The following ADD3 variants were observed in gnomAD, a reference collection of about 807,000 sequenced individuals.
ADD3 encodes gamma-adducin.
In ADD3, 25 loss-of-function variants were observed where a neutral mutation model predicts 80.2. The observed-to-expected ratio is 0.31, with a 90% CI of 0.23 to 0.44. The LOEUF (loss-of-function observed/expected upper bound fraction) is 0.44. ADD3 is among the 20% of genes least tolerant of loss of function. The pLI is 1.00. For synonymous variants in ADD3, 284 were observed against 289.6 expected (o/e 0.98, Z 0.20); for missense variants, 829 against 847.5 (o/e 0.98, Z 0.27).
intron 1 of ADD3, among the ~76,000 whole-genome samples, chr10:110,057,619 A>G (rs187514479): frequency 1.3e-5 from 2 of 152,242 alleles, no homozygotes; most frequent in African/African-American, 2.4e-5. Context: ...AAAGCTCTTC[A>G]TCTGATTCTA....
At chr10:110,049,666 T>A (rs1857276265) in intron 1 of ADD3, among the ~76,000 whole-genome samples, 1 of 152,134 alleles carries the variant, frequency 6.6e-6, no homozygotes. Flanking sequence ...GGCAGGCAGG[T>A]CACGAGGTCA....
intron 1 of ADD3, among the ~76,000 whole-genome samples, chr10:110,057,164 A>G (rs1007283153): frequency 6.6e-6 from 1 of 152,046 alleles, no homozygotes; most frequent in Non-Finnish European, 1.5e-5. Flanking sequence ...CCCCATATCA[A>G]CCCTTTCTCT....
At position 110,065,131 on chromosome 10, in the gene ADD3, C is replaced by T. The variant is rs983587088; in HGVS notation, c.-29-35494C>T. Among the ~76,000 whole-genome samples, 119 of 152,176 alleles carry T rather than the reference C, an allele frequency of 7.8e-4. 1 individual carries two copies. Among genetic ancestry groups the T allele is most frequent in the African/African-American group, 2.8e-3 (116 of 41,538 alleles). On this transcript the variant is annotated intron_variant, in intron 1 of 14. Transcript: ENST00000356080. ...CCTTCCAGTTTTAATTTCTTTCTTC[C>T]TAGAATTTGTCCTTTAAAAGTTCCT...
intron 1 of ADD3, among the ~76,000 whole-genome samples, chr10:110,070,299 T>C (rs1457096939): frequency 6.6e-6 from 1 of 152,166 alleles, no homozygotes; most frequent in Middle Eastern, 3.2e-3. Context: ...CAATGTCTCG[T>C]TCATTTCTTA....
At chr10:110,002,933 C>T (rs1851514397), upstream of ADD3, among the ~76,000 whole-genome samples, 2 of 152,266 alleles carry the variant, frequency 1.3e-5, no homozygotes, top group South Asian at 2.1e-4. Context: ...ATTATATCTC[C>T]TTGGGGAATG....
intron 1 of ADD3, among the ~76,000 whole-genome samples, chr10:110,064,354 C>G (rs1843644517): frequency 6.6e-6 from 1 of 152,182 alleles, no homozygotes; most frequent in Admixed American, 6.5e-5. Flanking sequence ...GACATACCAA[C>G]TCTGAGTTCC....
At chr10:110,060,370 T>G (rs151170974) in intron 1 of ADD3, among the ~76,000 whole-genome samples, 1 of 151,994 alleles carries the variant, frequency 6.6e-6, no homozygotes, top group Non-Finnish European at 1.5e-5. Flanking sequence ...AAATATGGAG[T>G]GTGTGTGCTG....
Position 110,072,809 on chromosome 10 carries a change from T to G in ADD3, c.-29-27816T>G, listed in dbSNP as rs915639961. On this transcript the variant is annotated intron_variant, in intron 1 of 14. Transcript: ENST00000356080. ...AGCTCTGAGAGAGTAAGAGCTACTC[T>G]TGAGCCCTTCTACAGTTCAAGGGAC... is the stretch of plus-strand genomic sequence containing the variant. Among the ~76,000 whole-genome samples, 10 of 152,228 alleles carry G rather than the reference T, an allele frequency of 6.6e-5. 1 individual carries two copies. The South Asian group carries it at 2.1e-3, about 31-fold the overall frequency.
rs1253966766 is a variant in ADD3, at chr10:110,133,382, G to T, written c.1885G>T (p.Val629Leu). 6.2e-7 allele frequency: 1 copy of T among 1,609,464 alleles called. No homozygotes were observed. The highest frequency in any genetic ancestry group is 1.7e-5 in the Admixed American group (1 of 59,942). ...FISMEVPVMV[V>L]NGKDDMHDVE... is the part of the protein sequence containing the mutation. ...CTCCATGGAAGTGCCTGTCATGGTAGTAAATGGCAAGGATGATATGCATGA... is the reference window on the plus strand; with the variant it reads ...CTCCATGGAAGTGCCTGTCATGGTATTAAATGGCAAGGATGATATGCATGA... Residue 629 changes from valine to leucine, a missense_variant, in exon 15 of 15, where the codon GTA becomes TTA. Coordinates refer to ENST00000356080, the MANE Select transcript of ADD3 (RefSeq NM_016824.5).
intron 1 of ADD3, among the ~76,000 whole-genome samples, chr10:110,036,422 C>T (rs1413639166): frequency 1.0e-4 from 15 of 148,162 alleles, no homozygotes; most frequent in Non-Finnish European, 2.2e-4. Context: ...CTCTGTCGCC[C>T]GGGCTGGAGT....
At chr10:110,083,368 T>C (rs1846305500) in intron 1 of ADD3, among the ~76,000 whole-genome samples, 1 of 152,022 alleles carries the variant, frequency 6.6e-6, no homozygotes, top group Admixed American at 6.6e-5. Context: ...TACAAAAAAT[T>C]AGCCGGGCAT....
At chr10:109,997,221 A>G (rs1485381400) in intron 1 of ADD3, among the ~76,000 whole-genome samples, 1 of 152,138 alleles carries the variant, frequency 6.6e-6, no homozygotes, top group Non-Finnish European at 1.5e-5. Flanking sequence ...TCTAATCTTA[A>G]GTCTTTGTGT....
chr10:110,082,745 C>T (rs1038189414), intron 1 of ADD3, among the ~76,000 whole-genome samples: 2 of 152,132 alleles, frequency 1.3e-5, no homozygotes, highest in Admixed American at 1.3e-4. Context: ...TTAGAAATTG[C>T]TCTTTTTATG....
intron 1 of ADD3, among the ~76,000 whole-genome samples, chr10:110,025,901 T>C (rs1314580872): frequency 5.3e-5 from 8 of 152,172 alleles, no homozygotes; most frequent in Non-Finnish European, 8.8e-5. Flanking sequence ...TTTCAAGATA[T>C]CTGTTTTTCC....
intron 1 of ADD3, among the ~76,000 whole-genome samples, chr10:110,027,741 G>C (rs1854480794): frequency 6.6e-6 from 1 of 152,030 alleles, no homozygotes; most frequent in African/African-American, 2.4e-5. Flanking sequence ...CCATTTCTTT[G>C]TATGCTCCCT....
At chr10:110,085,132 T>C (rs1458831224) in intron 1 of ADD3, among the ~76,000 whole-genome samples, 1 of 152,200 alleles carries the variant, frequency 6.6e-6, no homozygotes. Flanking sequence ...TATACATACA[T>C]TTTTAGAATT....
chr10:110,130,828 C>A (rs1471438017), intron 13 of ADD3, among the ~76,000 whole-genome samples: 3 of 151,258 alleles, frequency 2.0e-5, no homozygotes, highest in Non-Finnish European at 2.9e-5. Context: ...TGCACTGCAG[C>A]CTGGGCGACA....
intron 3 of ADD3, 44 bp downstream of exon 3, chr10:110,112,959 C>T (rs1446855795): frequency 5.1e-6 from 8 of 1,582,734 alleles, no homozygotes; most frequent in African/African-American, 1.4e-5. Context: ...ATTTTACTTC[C>T]ACTTTGGACC....
chr10:110,118,036 AC>A (rs1850990167), intron 5 of ADD3, among the ~76,000 whole-genome samples: 1 of 127,764 alleles, frequency 7.8e-6, no homozygotes, highest in African/African-American at 3.4e-5. Flanking sequence ...ACACACACAC[AC>A]ACACACACAC....
Sources: allele counts gnomAD v4.1 joint callset (sites outside exome capture counted in the v4.1 genomes callset), GRCh38; gene constraint gnomAD v4.1.1; transcripts MANE v1.5; gene names NCBI Gene and HGNC (gene_info 2026-07-23, HGNC 2026-07-21).